Variants in KLHL14 observed in about 807,000 individuals in gnomAD.
KLHL14 encodes the protein kelch-like protein 14.
In KLHL14, 22 loss-of-function variants were observed where a neutral mutation model predicts 64.3. The observed-to-expected ratio is 0.34, with a 90% CI of 0.24 to 0.49. The LOEUF (loss-of-function observed/expected upper bound fraction) is 0.49. Ranked by LOEUF, KLHL14 falls within the 20% of genes least tolerant of loss-of-function variation. The pLI, the probability that KLHL14 is intolerant of heterozygous loss-of-function variation, is 0.99. For missense variants in KLHL14, 661 were observed against 789.0 expected (o/e 0.84, Z 1.94); for synonymous variants, 322 against 333.4 (o/e 0.97, Z 0.37).
intron 1 of KLHL14, chr18:32,771,952 TAA>T (rs1439337893): frequency 5.9e-6 from 1 of 170,292 alleles, no homozygotes; most frequent in Admixed American, 6.5e-5. Flanking sequence ...ACTACTTCTG[TAA>T]AAAGTCTGAG....
chr18:32,692,294 T>C (rs1185849103), intron 4 of KLHL14, among the ~76,000 whole-genome samples: 1 of 152,218 alleles, frequency 6.6e-6, no homozygotes, highest in African/African-American at 2.4e-5. Flanking sequence ...TATTGAAATT[T>C]GCAATTTTGT....
chr18:32,716,330 G>T (rs980110522), intron 3 of KLHL14, among the ~76,000 whole-genome samples: 6 of 151,868 alleles, frequency 4.0e-5, no homozygotes, highest in Non-Finnish European at 7.4e-5. Context: ...TCATGTATCA[G>T]CTGTAAAAAA....
intron 5 of KLHL14, among the ~76,000 whole-genome samples, chr18:32,684,645 G>A (rs913229366): frequency 3.6e-4 from 55 of 152,230 alleles, no homozygotes; most frequent in Middle Eastern, 6.8e-3. Flanking sequence ...TGATTTCTCA[G>A]CATAATAATT....
chr18:32,712,775 T>G (rs1248749740), intron 3 of KLHL14, among the ~76,000 whole-genome samples: 3 of 152,226 alleles, frequency 2.0e-5, no homozygotes, highest in Non-Finnish European at 4.4e-5. Flanking sequence ...AGTTTCATAA[T>G]TCCATGGACA....
intron 2 of KLHL14, among the ~76,000 whole-genome samples, chr18:32,751,451 G>A (rs1156390258): frequency 6.6e-6 from 1 of 152,138 alleles, no homozygotes; most frequent in Admixed American, 6.5e-5. Context: ...AGGAAAAGGG[G>A]CTTAGGCAGC....
At chr18:32,696,638 ATCAATATGAG>A (rs1036758279) in intron 3 of KLHL14, among the ~76,000 whole-genome samples, 1 of 152,030 alleles carries the variant, frequency 6.6e-6, no homozygotes, top group Non-Finnish European at 1.5e-5. Context: ...GCAGTGGGAA[ATCAATATGAG>A]TCAGGGCCAA....
At chr18:32,753,316 T>G (rs2050265871) in intron 2 of KLHL14, among the ~76,000 whole-genome samples, 1 of 152,188 alleles carries the variant, frequency 6.6e-6, no homozygotes, top group Non-Finnish European at 1.5e-5. Context: ...CCTGTCTGTG[T>G]GACCATGTGA....
At chr18:32,679,500 C>A (rs2144464863) in intron 7 of KLHL14, among the ~76,000 whole-genome samples, 1 of 152,164 alleles carries the variant, frequency 6.6e-6, no homozygotes, top group African/African-American at 2.4e-5. Context: ...ATAGGTCTCT[C>A]TGGTATCACA....
rs1314667988 is a variant in KLHL14 at position 32,674,122 on chromosome 18, C to T, written c.*535G>A. ...GTTGTATAGAAACGAAAATGCCTCT[C>T]TTTAATCTTACATGATTTTCAATAA... is the stretch of plus-strand genomic sequence containing the variant. On this transcript the variant is annotated 3_prime_UTR_variant, in exon 9 of 9. Coordinates refer to ENST00000359358, the MANE Select transcript of KLHL14 (RefSeq NM_020805.3). 6.6e-6 allele frequency: 1 copy of T among 152,464 alleles called. No homozygotes were observed. The highest frequency in any genetic ancestry group is 1.9e-4 in the East Asian group (1 of 5,190). The allele number at this position is 152,464 out of a possible 1,614,324, so 9.4% of individuals were successfully genotyped here.
chr18:32,703,123 A>G (rs1207095471), intron 3 of KLHL14, among the ~76,000 whole-genome samples: 1 of 152,208 alleles, frequency 6.6e-6, no homozygotes, highest in Non-Finnish European at 1.5e-5. Flanking sequence ...TGTCACCCCC[A>G]AAAGATCTAT....
At chr18:32,682,135 G>A in intron 5 of KLHL14, among the ~76,000 whole-genome samples, 1 of 152,174 alleles carries the variant, frequency 6.6e-6, no homozygotes, top group Non-Finnish European at 1.5e-5. Context: ...TAATGTTTAA[G>A]TGGCAACTAA....
Position 32,734,267 on chromosome 18 carries a change from C to A in KLHL14, c.1069+7661G>T, listed in dbSNP as rs1246821182. The A allele has an allele frequency of 5.7e-6, 4 of 702,390 alleles. No individual in the cohort carries two copies. The African/African-American group carries it at 7.0e-5, about 12-fold the overall frequency. 43.5% of individuals were successfully genotyped at this position (702,390 alleles called of 1,614,324 possible). ...GTGACTGAGAAGAAATGATATATGT[C>A]ACTTTTAATCACCAGTGCAAGACAC... On this transcript the variant is annotated intron_variant, in intron 3 of 8. Coordinates refer to ENST00000359358, the MANE Select transcript of KLHL14 (RefSeq NM_020805.3).
intron 3 of KLHL14, chr18:32,741,051 A>G (rs2050194172): frequency 6.6e-6 from 1 of 152,206 alleles, no homozygotes; most frequent in Admixed American, 6.5e-5. Context: ...AAAATCTAAC[A>G]TTCACTTTTG....
intron 3 of KLHL14, among the ~76,000 whole-genome samples, chr18:32,728,062 A>G (rs1406503918): frequency 6.6e-6 from 1 of 152,186 alleles, no homozygotes; most frequent in African/African-American, 2.4e-5. Flanking sequence ...TCTTTCTTCA[A>G]TCTTCAATTA....
At chr18:32,691,094 T>C (rs1169901706) in intron 4 of KLHL14, among the ~76,000 whole-genome samples, 1 of 152,118 alleles carries the variant, frequency 6.6e-6, no homozygotes, top group South Asian at 2.1e-4. Context: ...CAAGGTTAAT[T>C]CCCAAATTCA....
rs1196583008 is a variant in KLHL14, at chr18:32,721,788, C to A, written c.1069+20140G>T. On this transcript the variant is annotated intron_variant, in intron 3 of 8. Transcript: ENST00000359358. ...TTTTACCAATCATCTCTCTTCAAAT[C>A]ACAACGATAGTGAACCCGCCTACCT... Among the ~76,000 whole-genome samples, 3 of 152,146 alleles carry A rather than the reference C, an allele frequency of 2.0e-5. No individual in the cohort carries two copies. The East Asian group carries it at 5.8e-4, about 29-fold the overall frequency.
intron 2 of KLHL14, among the ~76,000 whole-genome samples, chr18:32,768,149 A>G (rs2050356397): frequency 6.6e-6 from 1 of 152,176 alleles, no homozygotes; most frequent in South Asian, 2.1e-4. Flanking sequence ...CACTGTTAAA[A>G]GCACACGGGG....
At chr18:32,728,189 T>C (rs1480011867) in intron 3 of KLHL14, among the ~76,000 whole-genome samples, 4 of 152,202 alleles carry the variant, frequency 2.6e-5, no homozygotes, top group African/African-American at 2.4e-5. Flanking sequence ...TGAAGTAGCC[T>C]GTCTCGTCTT....
chr18:32,771,058 G>T, intron 1 of KLHL14: 1 of 299,352 alleles, frequency 3.3e-6, no homozygotes, highest in South Asian at 2.3e-5. Context: ...GGGAAGTGGG[G>T]AGCCGGGGGT....
Sources: allele counts gnomAD v4.1 joint callset (sites outside exome capture counted in the v4.1 genomes callset), GRCh38; gene constraint gnomAD v4.1.1; transcripts MANE v1.5; gene names NCBI Gene and HGNC (gene_info 2026-07-23, HGNC 2026-07-21).